Variants in MEF2A observed in about 807,000 individuals in gnomAD.
MEF2A encodes myocyte enhancer factor 2A.
Under a neutral mutation model 55.8 loss-of-function variants are expected in MEF2A, and 28 were observed. The ratio of observed to expected loss-of-function variants is 0.50; its 90% CI spans 0.37 to 0.69. The LOEUF is 0.69. Ranked by LOEUF, MEF2A falls within the 30% of genes least tolerant of loss-of-function variation. The probability of loss-of-function intolerance (pLI) is 0.00; values close to 1 mark genes in which losing one functional copy is unlikely to be tolerated. For synonymous variants in MEF2A, 239 were observed against 227.1 expected (o/e 1.05, Z -0.47); for missense variants, 528 against 626.2 (o/e 0.84, Z 1.67).
At chr15:99,711,522 G>C (rs1055602469) in intron 11 of MEF2A, among the ~76,000 whole-genome samples, 1 of 152,204 alleles carries the variant, frequency 6.6e-6, no homozygotes, top group Non-Finnish European at 1.5e-5. Context: ...GCAGTTGGAG[G>C]AGAGTGTCCC....
chr15:99,680,313 A>G (rs2052993310), intron 7 of MEF2A, among the ~76,000 whole-genome samples: 3 of 152,218 alleles, frequency 2.0e-5, no homozygotes, highest in African/African-American at 4.8e-5. Flanking sequence ...GTTGTTCATC[A>G]TTGGTAGTAT....
intron 7 of MEF2A, among the ~76,000 whole-genome samples, chr15:99,676,347 A>G (rs922062832): frequency 4.6e-5 from 7 of 151,436 alleles, no homozygotes; most frequent in African/African-American, 1.7e-4. Flanking sequence ...GTTTTTTTTC[A>G]GCTCTTGTTT....
intron 4 of MEF2A, among the ~76,000 whole-genome samples, chr15:99,666,360 G>A (rs1394446017): frequency 6.6e-6 from 1 of 152,040 alleles, no homozygotes; most frequent in African/African-American, 2.4e-5. Context: ...AACACCGCAT[G>A]TTCTCACTCA....
chr15:99,653,595 A>G (rs1400491259), intron 4 of MEF2A, among the ~76,000 whole-genome samples: 1 of 152,206 alleles, frequency 6.6e-6, no homozygotes, highest in African/African-American at 2.4e-5. Context: ...TATTTTATAA[A>G]GAAAATTTGA....
rs1042994306 is a variant in MEF2A at position 99,693,859 on chromosome 15, A to G, written c.858+3431A>G. On this transcript the variant is annotated intron_variant, in intron 8 of 11. Coordinates refer to ENST00000557942, the MANE Select transcript of MEF2A (RefSeq NM_001319206.4). Reference sequence around the variant, plus strand: ...TAAACTCTGGTTTTCCCTGCATTTTATAAACGTTTTATTTTTAGAACAATT... The same window carrying G: ...TAAACTCTGGTTTTCCCTGCATTTTGTAAACGTTTTATTTTTAGAACAATT... Among the ~76,000 whole-genome samples, 15 of 152,350 alleles carry G rather than the reference A, an allele frequency of 9.8e-5. 1 individual carries two copies. In the Middle Eastern group the frequency reaches 0.02, roughly 207 times the overall value.
chr15:99,671,752 A>G (rs2050911347), intron 5 of MEF2A: 2 of 1,285,408 alleles, frequency 1.6e-6, no homozygotes, highest in Non-Finnish European at 2.0e-6. Context: ...GATGACAACA[A>G]TAAGTAGAAG....
At chr15:99,580,584 T>C (rs1965641743) in intron 1 of MEF2A, among the ~76,000 whole-genome samples, 1 of 152,206 alleles carries the variant, frequency 6.6e-6, no homozygotes, top group African/African-American at 2.4e-5. Context: ...TTGCAAATAC[T>C]GGTTCTGGGT....
intron 2 of MEF2A, among the ~76,000 whole-genome samples, chr15:99,623,273 A>G (rs2041533907): frequency 6.6e-6 from 1 of 152,142 alleles, no homozygotes; most frequent in South Asian, 2.1e-4. Flanking sequence ...ATTCTATTGT[A>G]TGTATGTACC....
chr15:99,628,226 C>T (rs1474501817), intron 2 of MEF2A, among the ~76,000 whole-genome samples: 1 of 152,106 alleles, frequency 6.6e-6, no homozygotes, highest in Non-Finnish European at 1.5e-5. Context: ...TATCTAGTGT[C>T]TGCCTCCTGC....
At chr15:99,640,830 G>T (rs2044763871) in intron 3 of MEF2A, among the ~76,000 whole-genome samples, 1 of 151,944 alleles carries the variant, frequency 6.6e-6, no homozygotes, top group Non-Finnish European at 1.5e-5. Context: ...ATTATAGTGT[G>T]AGCCACGGCG....
At chr15:99,593,227 A>T (rs532069935) in intron 1 of MEF2A, among the ~76,000 whole-genome samples, 132 of 152,150 alleles carry the variant, frequency 8.7e-4, no homozygotes, top group Non-Finnish European at 1.4e-3. Flanking sequence ...CTGAATTTTT[A>T]TCTGTCTCTT....
intron 2 of MEF2A, among the ~76,000 whole-genome samples, chr15:99,612,373 C>T (rs2039422795): frequency 1.3e-5 from 2 of 152,082 alleles, no homozygotes; most frequent in Admixed American, 1.3e-4. Context: ...GCCGAGATCA[C>T]ACCACTCACT....
At chr15:99,679,556 G>A (rs2052806390) in intron 7 of MEF2A, among the ~76,000 whole-genome samples, 1 of 151,782 alleles carries the variant, frequency 6.6e-6, no homozygotes, top group African/African-American at 2.4e-5. Flanking sequence ...GAGCCATAAA[G>A]AAAAACCAAG....
intron 4 of MEF2A, among the ~76,000 whole-genome samples, chr15:99,668,866 G>C (rs564867963): frequency 2.6e-5 from 4 of 152,220 alleles, no homozygotes; most frequent in African/African-American, 9.6e-5. Context: ...ATGGTAGTTG[G>C]GTCCTCAAAA....
At chr15:99,649,739 T>C (rs1186790515) in intron 4 of MEF2A, among the ~76,000 whole-genome samples, 2 of 152,158 alleles carry the variant, frequency 1.3e-5, no homozygotes, top group African/African-American at 4.8e-5. Context: ...TTCATACACA[T>C]GCATATGTGT....
chr15:99,637,346 T>C (rs550334720), intron 3 of MEF2A, among the ~76,000 whole-genome samples: 2 of 152,352 alleles, frequency 1.3e-5, no homozygotes, highest in African/African-American at 4.8e-5. Context: ...ATTAATTCTC[T>C]CCATAATGGC....
At chr15:99,709,434 G>A (rs765998300) in intron 10 of MEF2A, among the ~76,000 whole-genome samples, 1 of 152,244 alleles carries the variant, frequency 6.6e-6, no homozygotes, top group Non-Finnish European at 1.5e-5. Context: ...TCTAGAGGTC[G>A]AAGGAGACTG....
At chr15:99,669,081 G>A (rs1052530224) in intron 4 of MEF2A, among the ~76,000 whole-genome samples, 11 of 152,136 alleles carry the variant, frequency 7.2e-5, no homozygotes, top group Admixed American at 6.5e-5. Flanking sequence ...TACTCTTGTA[G>A]AATAAAAATT....
At chr15:99,644,504 A>G (rs978323979) in intron 3 of MEF2A, among the ~76,000 whole-genome samples, 4 of 152,188 alleles carry the variant, frequency 2.6e-5, no homozygotes, top group Non-Finnish European at 5.9e-5. Context: ...GCTTTTCATG[A>G]TACTGGAGAT....
Sources: allele counts gnomAD v4.1 joint callset (sites outside exome capture counted in the v4.1 genomes callset), GRCh38; gene constraint gnomAD v4.1.1; transcripts MANE v1.5; gene names NCBI Gene and HGNC (gene_info 2026-07-23, HGNC 2026-07-21).